The following YWHAZ variants were observed in gnomAD, a reference collection of about 807,000 sequenced individuals.
The protein encoded by YWHAZ is tyrosine 3-monooxygenase/tryptophan 5-monooxygenase activation protein zeta.
For synonymous variants in YWHAZ, 87 were observed against 103.6 expected (o/e 0.84, Z 0.97); for missense variants, 79 against 284.8 (o/e 0.28, Z 5.20).
At chr8:100,921,291 A>G (rs1447040417) in intron 5 of YWHAZ, among the ~76,000 whole-genome samples, 1 of 152,192 alleles carries the variant, frequency 6.6e-6, no homozygotes, top group Non-Finnish European at 1.5e-5. Context: ...GGCCTCCCAA[A>G]GTGGTGAGAT....
Position 100,924,827 on chromosome 8 carries a change from T to A in YWHAZ, c.418+89A>T, listed in dbSNP as rs79100865. 2,217 of 1,550,580 alleles carry A rather than the reference T, an allele frequency of 1.4e-3. 29 individuals are homozygous for A. The African/African-American group carries it at 0.027, about 19-fold the overall frequency. On this transcript the variant is annotated intron_variant, in intron 3 of 5. Coordinates refer to ENST00000395958, the MANE Select transcript of YWHAZ (RefSeq NM_145690.3). This position sits in a 1 kb window ranked among gnomAD's most constrained non-coding sequence, Gnocchi z 5.7. ...CTCCTTATTCGGCACTCTAAGCAAT[T>A]CAAAACAAGACATTATGTACGCTTC...
At chr8:100,947,528 T>C (rs1229568613) in intron 2 of YWHAZ, among the ~76,000 whole-genome samples, 2 of 152,194 alleles carry the variant, frequency 1.3e-5, no homozygotes, top group Non-Finnish European at 2.9e-5. Flanking sequence ...AAGTATCATT[T>C]GAGAAAATTA....
chr8:100,949,582 CTTGTTATA>C (rs1040813755), intron 1 of YWHAZ, among the ~76,000 whole-genome samples: 1 of 152,174 alleles, frequency 6.6e-6, no homozygotes, highest in Admixed American at 6.5e-5. Flanking sequence ...AACTCTTTAT[CTTGTTATA>C]TGTCCACATG....
chr8:100,951,755 G>T (rs1810805703), intron 1 of YWHAZ, 174 bp downstream of exon 1: 2 of 985,226 alleles, frequency 2.0e-6, no homozygotes, highest in Non-Finnish European at 2.4e-6. Flanking sequence ...CCGCCCTCCC[G>T]AGCCCAGCGG....
At chr8:100,950,653 G>T in intron 1 of YWHAZ, 1 of 783,036 alleles carries the variant, frequency 1.3e-6, no homozygotes, top group Non-Finnish European at 1.5e-6. Flanking sequence ...CCCCGCCCAA[G>T]CCGTGGGGGG....
chr8:100,942,700 C>T (rs540793146), intron 2 of YWHAZ, among the ~76,000 whole-genome samples: 2 of 152,250 alleles, frequency 1.3e-5, no homozygotes, highest in South Asian at 2.1e-4. Flanking sequence ...CAGTTTGTAT[C>T]AGGGATAGTG....
intron 1 of YWHAZ, chr8:100,951,334 C>G (rs1337342586): frequency 3.0e-6 from 3 of 984,520 alleles, no homozygotes; most frequent in African/African-American, 1.8e-5. Context: ...CTCCCCGCCG[C>G]GCCACCGCCT....
chr8:100,952,944 G>C, upstream of YWHAZ: 1 of 1,000,586 alleles, frequency 1.0e-6, no homozygotes, highest in Non-Finnish European at 1.2e-6. Flanking sequence ...ATGGGGAGGC[G>C]TTCCAATCGA....
chr8:100,953,147 A>C (rs1810921153), upstream of YWHAZ: 17 of 986,000 alleles, frequency 1.7e-5, no homozygotes, highest in Non-Finnish European at 2.0e-5. Flanking sequence ...TGGTCCTGGC[A>C]GCCTTGACCC....
In YWHAZ at chr8:100,948,635, T is replaced by C. The variant is rs750966619; in HGVS notation, c.255A>G (p.Lys85=). Reference sequence around the variant, plus strand: ...AGATATCTCTTAGCTCCGTCTCAATTTTCTCTCTGTATTCTCGAGCCATCT... The same window carrying C: ...AGATATCTCTTAGCTCCGTCTCAATCTTCTCTCTGTATTCTCGAGCCATCT... ...KQQMAREYRE[K]IETELRDICN... is the part of the protein sequence containing the mutation. The change falls in exon 2 of 6, where the codon AAA becomes AAG. Residue 85 remains lysine (K), a synonymous_variant. Coordinates refer to ENST00000395958, the MANE Select transcript of YWHAZ (RefSeq NM_145690.3). The surrounding 1 kb of genome is among the most constrained non-coding windows in gnomAD (Gnocchi z 4.2). 14 of 1,610,760 alleles carry C rather than the reference T, an allele frequency of 8.7e-6. No homozygotes were observed. In the Admixed American group the frequency reaches 2.2e-4, roughly 25 times the overall value.
At chr8:100,926,412 G>C (rs903564533) in intron 2 of YWHAZ, among the ~76,000 whole-genome samples, 4 of 152,148 alleles carry the variant, frequency 2.6e-5, no homozygotes, top group Non-Finnish European at 5.9e-5. Flanking sequence ...TGGGAGGCTA[G>C]GGTGGCAGGA....
intron 2 of YWHAZ, among the ~76,000 whole-genome samples, chr8:100,930,582 T>C (rs1813695059): frequency 6.6e-6 from 1 of 152,234 alleles, no homozygotes. Context: ...TCCTGAAATA[T>C]AATCTCATTT....
upstream of YWHAZ, chr8:100,953,213 C>T: frequency 2.0e-6 from 2 of 985,386 alleles, no homozygotes; most frequent in Non-Finnish European, 2.4e-6. Context: ...GCTAGGTTTT[C>T]CTACCCAAAT....
intron 1 of YWHAZ, chr8:100,950,429 T>A (rs1430465387): frequency 1.0e-6 from 1 of 985,326 alleles, no homozygotes. Flanking sequence ...TCGGTTACTG[T>A]GAAACGAAAA....
intron 2 of YWHAZ, among the ~76,000 whole-genome samples, chr8:100,947,442 C>T (rs1810383521): frequency 1.3e-5 from 2 of 151,982 alleles, no homozygotes; most frequent in South Asian, 4.1e-4. Flanking sequence ...AGACAGATGC[C>T]TCATTGAGTT....
chr8:100,943,403 T>C (rs1385432910), intron 2 of YWHAZ, among the ~76,000 whole-genome samples: 2 of 152,246 alleles, frequency 1.3e-5, no homozygotes, highest in Non-Finnish European at 2.9e-5. Flanking sequence ...CCTGTCATTC[T>C]GACTTAAAAA....
At chr8:100,930,346 C>A (rs191689161) in intron 2 of YWHAZ, among the ~76,000 whole-genome samples, 1 of 152,198 alleles carries the variant, frequency 6.6e-6, no homozygotes, top group Non-Finnish European at 1.5e-5. Flanking sequence ...ATCCACCTGC[C>A]TCAGCCTCCC....
In YWHAZ at chr8:100,920,799, G is replaced by GC. The variant is rs200692070; in HGVS notation, c.679-48_679-47insG. ...TTTCAGCAAGTTTCAGTGGGATGGG[G>GC]GGGGGGGGGCGTTTTCATATAAGTG... On this transcript the variant is annotated intron_variant, in intron 5 of 5. Coordinates refer to ENST00000395958, the MANE Select transcript of YWHAZ (RefSeq NM_145690.3). 2.1e-5 allele frequency: 21 copies of GC among 1,014,528 alleles called. No individual in the cohort carries two copies. The East Asian group carries it at 2.6e-4, about 12-fold the overall frequency. 62.8% of individuals were successfully genotyped at this position (1,014,528 alleles called of 1,614,324 possible). A position where few individuals can be genotyped will look rare whatever the true frequency, so the allele number is the denominator to read the frequency against.
At chr8:100,945,628 A>G (rs1810212276) in intron 2 of YWHAZ, among the ~76,000 whole-genome samples, 1 of 152,148 alleles carries the variant, frequency 6.6e-6, no homozygotes, top group Non-Finnish European at 1.5e-5. Flanking sequence ...ATTAATAATG[A>G]TTCAATAACT....
Sources: allele counts gnomAD v4.1 joint callset (sites outside exome capture counted in the v4.1 genomes callset), GRCh38; gene constraint gnomAD v4.1.1; non-coding constraint Gnocchi (gnomAD v3.1); transcripts MANE v1.5; gene names NCBI Gene and HGNC (gene_info 2026-07-23, HGNC 2026-07-21).